NFIB: variants seen among roughly 807,000 people sequenced by gnomAD.
NFIB encodes the protein nuclear factor 1 B-type.
In NFIB, 11 loss-of-function variants were observed where a neutral mutation model predicts 61.5. That is an observed-to-expected ratio of 0.18 (90% CI 0.11 to 0.30). The LOEUF (loss-of-function observed/expected upper bound fraction) is 0.30. Ranked by LOEUF, NFIB falls within the 10% of genes least tolerant of loss-of-function variation. The probability of loss-of-function intolerance (pLI) is 1.00; values close to 1 mark genes in which losing one functional copy is unlikely to be tolerated. For missense variants in NFIB, 471 were observed against 608.9 expected, an observed-to-expected ratio of 0.77 and a Z score of 2.38; for synonymous variants, 260 against 216.5, an observed-to-expected ratio of 1.20 and a Z score of -1.76.
At chr9:14,163,449 G>T (rs894621570) in intron 3 of NFIB, among the ~76,000 whole-genome samples, 1 of 151,774 alleles carries the variant, frequency 6.6e-6, no homozygotes, top group African/African-American at 2.4e-5. Flanking sequence ...TAAATAAATG[G>T]GTAGGCAAAG....
chr9:14,162,378 G>T (rs560483304), intron 3 of NFIB, among the ~76,000 whole-genome samples: 9 of 151,962 alleles, frequency 5.9e-5, no homozygotes, highest in African/African-American at 9.6e-5. Context: ...AGATTCTCCG[G>T]TTTTTTTCTA....
At chr9:14,110,243 T>G (rs571693) in intron 10 of NFIB, among the ~76,000 whole-genome samples, 24,931 of 152,040 alleles carry the variant, frequency 0.16, 2,186 homozygotes, top group South Asian at 0.24. Flanking sequence ...CTCTAATTTA[T>G]GTAGGCTCTA....
At chr9:14,121,498 T>C (rs966495300) in intron 7 of NFIB, among the ~76,000 whole-genome samples, 1 of 152,200 alleles carries the variant, frequency 6.6e-6, no homozygotes, top group Non-Finnish European at 1.5e-5. Flanking sequence ...TAATACAACA[T>C]CATCTCATGT....
intron 3 of NFIB, among the ~76,000 whole-genome samples, chr9:14,172,233 G>A (rs1462961492): frequency 6.6e-6 from 1 of 152,100 alleles, no homozygotes; most frequent in Non-Finnish European, 1.5e-5. Context: ...CGAAGAAGAA[G>A]AGAGAGAGAT....
chr9:14,288,131 T>A (rs932359090), intron 2 of NFIB, among the ~76,000 whole-genome samples: 3 of 152,112 alleles, frequency 2.0e-5, no homozygotes, highest in South Asian at 4.1e-4. Context: ...TTCCAAAATA[T>A]CTTAAAACAA....
chr9:14,151,805 C>A (rs73411945), intron 4 of NFIB, among the ~76,000 whole-genome samples: 1 of 152,068 alleles, frequency 6.6e-6, no homozygotes, highest in African/African-American at 2.4e-5. Flanking sequence ...AAAGCTCACA[C>A]GAAATTGTAC....
intron 1 of NFIB, among the ~76,000 whole-genome samples, chr9:14,394,427 G>T (rs1447647304): frequency 6.6e-6 from 1 of 152,198 alleles, no homozygotes; most frequent in East Asian, 1.9e-4. Flanking sequence ...GGCTGGGGAT[G>T]CCTCATAATA....
At position 14,165,694 on chromosome 9, in the gene NFIB, C is replaced by T. The variant is rs192449368; in HGVS notation, c.617-9801G>A. Among the ~76,000 whole-genome samples, 25 of 152,268 alleles carry T rather than the reference C, an allele frequency of 1.6e-4. No individual in the cohort carries two copies. In the East Asian group the frequency reaches 4.2e-3, roughly 26 times the overall value. On this transcript the variant is annotated intron_variant, in intron 3 of 10. Coordinates refer to ENST00000380953, the MANE Select transcript of NFIB (RefSeq NM_001190737.2). ...TAGTCTGTCATTCCTATTTTCCCAACCTCCCCAGCCTCCTCCTCTTTGCAG... is the reference window on the plus strand; with the variant it reads ...TAGTCTGTCATTCCTATTTTCCCAATCTCCCCAGCCTCCTCCTCTTTGCAG...
At chr9:14,391,849 C>T (rs563460743) in intron 1 of NFIB, among the ~76,000 whole-genome samples, 1 of 152,302 alleles carries the variant, frequency 6.6e-6, no homozygotes, top group African/African-American at 2.4e-5. Context: ...TGCTTCCTTT[C>T]ACTCCTGCTC....
chr9:14,511,184 C>A, the NFIB span, among the ~76,000 whole-genome samples: 3 of 151,936 alleles, frequency 2.0e-5, no homozygotes, highest in Non-Finnish European at 4.4e-5. Context: ...GAATGTTTAC[C>A]AATTTTATAG....
chr9:14,368,502 G>A (rs969311146), intron 1 of NFIB, among the ~76,000 whole-genome samples: 1 of 152,228 alleles, frequency 6.6e-6, no homozygotes, highest in African/African-American at 2.4e-5. Context: ...CAGGCAGACT[G>A]GTTACGGTGC....
At chr9:14,444,105 G>A in the NFIB span, among the ~76,000 whole-genome samples, 13 of 152,240 alleles carry the variant, frequency 8.5e-5, no homozygotes, top group South Asian at 2.1e-4. Flanking sequence ...CTAATCATGC[G>A]AAAGTACATA....
intron 2 of NFIB, among the ~76,000 whole-genome samples, chr9:14,242,690 T>G (rs1291961681): frequency 3.9e-5 from 6 of 152,220 alleles, no homozygotes; most frequent in Non-Finnish European, 7.3e-5. Flanking sequence ...CTTATGCATA[T>G]CTTATCATGC....
intron 2 of NFIB, among the ~76,000 whole-genome samples, chr9:14,222,795 C>CAAAAAAAAAAAAAAAAAAAAAAA (rs58787088): frequency 2.3e-5 from 2 of 86,766 alleles, no homozygotes; most frequent in Non-Finnish European, 4.3e-5. Context: ...GATCCTGTCT[C>CAAAAAAAAAAAAAAAAAAAAAAA]AAAAAAAAAA....
intron 3 of NFIB, among the ~76,000 whole-genome samples, chr9:14,175,869 C>T (rs998928194): frequency 6.6e-6 from 1 of 152,132 alleles, no homozygotes; most frequent in Non-Finnish European, 1.5e-5. Context: ...ACAAAACTAC[C>T]AGCCTTCCTG....
chr9:14,388,485 AAGAG>A (rs145953271), intron 1 of NFIB, among the ~76,000 whole-genome samples: 22 of 137,750 alleles, frequency 1.6e-4, no homozygotes, highest in African/African-American at 4.0e-4. Context: ...GAGAGAGAGA[AAGAG>A]AGAGAGAGAG....
At chr9:14,315,353 A>AGCC (rs529857500), upstream of NFIB, among the ~76,000 whole-genome samples, 422 of 150,220 alleles carry the variant, frequency 2.8e-3, 2 homozygotes, top group African/African-American at 9.5e-3. Flanking sequence ...GACCGGGCCG[A>AGCC]GCCGCCGCCG....
chr9:14,253,822 C>G (rs2055919857), intron 2 of NFIB, among the ~76,000 whole-genome samples: 2 of 152,134 alleles, frequency 1.3e-5, no homozygotes, highest in Non-Finnish European at 2.9e-5. Context: ...ATTCATGGCT[C>G]TCCATGAAGT....
intron 6 of NFIB, among the ~76,000 whole-genome samples, chr9:14,126,692 T>C (rs554692388): frequency 2.0e-5 from 3 of 152,262 alleles, no homozygotes; most frequent in South Asian, 4.1e-4. Context: ...TGTACAAACG[T>C]CTGAATGCTT....
Sources: gnomAD v4.1 joint callset for allele counts (sites outside exome capture counted in the v4.1 genomes callset) on GRCh38, gnomAD v4.1.1 for gene constraint, MANE v1.5 for transcripts, NCBI Gene and HGNC (gene_info 2026-07-23, HGNC 2026-07-21) for gene names.